Variants in STK10 observed in about 807,000 individuals in gnomAD.
STK10 encodes serine/threonine-protein kinase 10.
STK10 carries 78 observed loss-of-function variants against 113.8 expected under a neutral mutation model. The ratio of observed to expected loss-of-function variants is 0.69; its 90% CI spans 0.57 to 0.83. The LOEUF is 0.83. Ranked by LOEUF, STK10 falls within the 40% of genes least tolerant of loss-of-function variation. STK10 has a pLI of 0.00. For missense variants in STK10, 1,109 were observed against 1,280.1 expected (o/e 0.87, Z 2.04); for synonymous variants, 465 against 494.7 (o/e 0.94, Z 0.80).
intron 4 of STK10, among the ~76,000 whole-genome samples, chr5:172,109,603 G>A (rs757468749): frequency 5.3e-5 from 8 of 152,018 alleles, no homozygotes; most frequent in South Asian, 2.1e-4. Flanking sequence ...CACCAGGACC[G>A]GCCAATAAGA....
At chr5:172,081,835 C>T (rs1318654534) in intron 12 of STK10, among the ~76,000 whole-genome samples, 5 of 152,186 alleles carry the variant, frequency 3.3e-5, no homozygotes, top group Admixed American at 3.3e-4. Flanking sequence ...TGCCTCTCTC[C>T]AGAGCAGCTC....
intron 1 of STK10, among the ~76,000 whole-genome samples, chr5:172,159,455 T>A (rs1273040134): frequency 2.0e-5 from 3 of 151,854 alleles, no homozygotes; most frequent in Non-Finnish European, 4.4e-5. Flanking sequence ...GGCGGGAGGA[T>A]CACTTGAGCC....
intron 3 of STK10, among the ~76,000 whole-genome samples, chr5:172,125,389 A>AT (rs112899539): frequency 1.4e-3 from 202 of 143,526 alleles, no homozygotes; most frequent in Admixed American, 4.2e-3. Flanking sequence ...ACTTTTTTTC[A>AT]TTTTTTTTTT....
intron 18 of STK10, among the ~76,000 whole-genome samples, chr5:172,052,556 C>T (rs943934659): frequency 6.6e-6 from 1 of 152,208 alleles, no homozygotes; most frequent in African/African-American, 2.4e-5. Context: ...AATTGGCAAG[C>T]AGTTTATCTT....
intron 7 of STK10, 40 bp from the exon 8 acceptor site, chr5:172,096,600 G>A (rs765208589): frequency 6.2e-7 from 1 of 1,604,430 alleles, no homozygotes; most frequent in Non-Finnish European, 8.5e-7. Flanking sequence ...ACCACTCTGG[G>A]GTCACGGTGG....
chr5:172,087,850 G>A lies in STK10; in HGVS notation c.1685+2382C>T, dbSNP rs1256837602. ...TCACCTTGTTAGCCAGGATGGTCTC[G>A]ATCTCCTGACCTCATGATCCACCCG... On this transcript the variant is annotated intron_variant, in intron 10 of 18. Transcript: ENST00000176763. Among the ~76,000 whole-genome samples the A allele has an allele frequency of 3.6e-4, 38 of 104,196 alleles. 4 individuals are homozygous for A. The highest frequency in any genetic ancestry group is 5.1e-4 in the Non-Finnish European group (25 of 49,292). 68.4% of individuals were successfully genotyped at this position (104,196 alleles called of 152,430 possible). A position where few individuals can be genotyped will look rare whatever the true frequency, so the allele number is the denominator to read the frequency against.
intron 4 of STK10, among the ~76,000 whole-genome samples, chr5:172,112,176 G>T (rs946139939): frequency 5.9e-5 from 9 of 152,320 alleles, no homozygotes; most frequent in Non-Finnish European, 1.2e-4. Context: ...TCCCAAACAT[G>T]TTGCTGACTG....
chr5:172,112,392 G>A (rs1414479579), intron 4 of STK10, among the ~76,000 whole-genome samples: 4 of 151,910 alleles, frequency 2.6e-5, no homozygotes, highest in African/African-American at 9.7e-5. Context: ...ATTTTGGTGG[G>A]GGCAGTGCAC....
At chr5:172,091,051 A>G (rs1055526654) in intron 9 of STK10, among the ~76,000 whole-genome samples, 3 of 147,064 alleles carry the variant, frequency 2.0e-5, no homozygotes, top group Admixed American at 1.4e-4. Context: ...CAGCTTCCTC[A>G]CCTGTTCAGG....
rs146434471 is a variant in STK10 at position 172,048,326 on chromosome 5, T to C, written c.2767-3304A>G. 1.8e-3 allele frequency among the ~76,000 whole-genome samples: 280 copies of C among 151,966 alleles called. 1 individual carries two copies. The highest frequency in any genetic ancestry group is 0.01 in the Middle Eastern group (3 of 294). On this transcript the variant is annotated intron_variant, in intron 18 of 18. Coordinates refer to ENST00000176763, the MANE Select transcript of STK10 (RefSeq NM_005990.4). Reference sequence around the variant, plus strand: ...CAACTGGGTCTCCAGCCTGCTGACCTGTCCTGCAGATTTCAGACTTACCAG... The same window carrying C: ...CAACTGGGTCTCCAGCCTGCTGACCCGTCCTGCAGATTTCAGACTTACCAG...
chr5:172,091,341 C>T (rs920338760), intron 9 of STK10, among the ~76,000 whole-genome samples: 6 of 152,154 alleles, frequency 3.9e-5, no homozygotes, highest in Non-Finnish European at 5.9e-5. Context: ...TACGCATAAT[C>T]GTCATCTTTT....
chr5:172,141,717 C>G (rs1311074518), intron 2 of STK10, among the ~76,000 whole-genome samples: 1 of 152,170 alleles, frequency 6.6e-6, no homozygotes, highest in Non-Finnish European at 1.5e-5. Context: ...TCTCTGCACC[C>G]AGGAACTCCT....
intron 1 of STK10, among the ~76,000 whole-genome samples, chr5:172,182,848 G>A (rs188517147): frequency 5.9e-5 from 9 of 152,024 alleles, no homozygotes; most frequent in East Asian, 3.9e-4. Flanking sequence ...CACCGCGCCC[G>A]GCCAATTTTT....
intron 2 of STK10, 100 bp from the exon 3 acceptor site, chr5:172,127,521 G>T: frequency 8.0e-7 from 1 of 1,256,288 alleles, no homozygotes; most frequent in Non-Finnish European, 1.1e-6. Flanking sequence ...CATGCCCAAT[G>T]CCTGGGTGCC....
intron 1 of STK10, among the ~76,000 whole-genome samples, chr5:172,178,234 G>A (rs981054890): frequency 5.3e-5 from 8 of 152,146 alleles, no homozygotes; most frequent in Admixed American, 3.3e-4. Context: ...GGTTCAACCC[G>A]CGTGGGGGCC....
chr5:172,145,768 C>A (rs1236534018), intron 2 of STK10, among the ~76,000 whole-genome samples: 1 of 152,206 alleles, frequency 6.6e-6, no homozygotes, highest in Non-Finnish European at 1.5e-5. Flanking sequence ...GTAGAGGCTG[C>A]CTCCCTGGTT....
intron 18 of STK10, chr5:172,045,482 T>A: frequency 4.5e-6 from 2 of 447,158 alleles, no homozygotes; most frequent in African/African-American, 2.0e-5. Flanking sequence ...AGACTCCATC[T>A]CAAAAACAAA....
intron 2 of STK10, among the ~76,000 whole-genome samples, chr5:172,134,760 G>A (rs866411103): frequency 3.2e-4 from 36 of 112,306 alleles, no homozygotes; most frequent in East Asian, 9.9e-4. Flanking sequence ...AAAAAAAAAA[G>A]GAAAAAAATT....
chr5:172,099,050 CCAT>C (rs769144621), intron 7 of STK10, among the ~76,000 whole-genome samples: 4 of 151,714 alleles, frequency 2.6e-5, no homozygotes, highest in East Asian at 1.9e-4. Context: ...ACCATCACCA[CCAT>C]CATTACCATC....
Sources: allele counts gnomAD v4.1 joint callset (sites outside exome capture counted in the v4.1 genomes callset), GRCh38; gene constraint gnomAD v4.1.1; transcripts MANE v1.5; gene names NCBI Gene and HGNC (gene_info 2026-07-23, HGNC 2026-07-21).